The following MBNL2 variants were observed in gnomAD, a reference collection of about 807,000 sequenced individuals.
The protein encoded by MBNL2 is muscleblind-like protein 2.
A neutral mutation model predicts 41.9 loss-of-function variants in MBNL2; 17 were observed. The ratio of observed to expected loss-of-function variants is 0.41; its 90% confidence interval spans 0.28 to 0.61. MBNL2 has a LOEUF of 0.61. MBNL2 is among the 20% of genes least tolerant of loss of function. MBNL2 has a pLI of 0.35. For synonymous variants in MBNL2, 195 were observed against 182.9 expected, an observed-to-expected ratio of 1.07 and a Z score of -0.53; for missense variants, 336 against 505.6, an observed-to-expected ratio of 0.66 and a Z score of 3.22.
the MBNL2 span, among the ~76,000 whole-genome samples, chr13:97,165,518 T>C: frequency 1.3e-5 from 2 of 152,176 alleles, no homozygotes; most frequent in African/African-American, 4.8e-5. Flanking sequence ...TGAATCAAAA[T>C]TTCAGTTGGG....
At chr13:97,209,782 T>C in the MBNL2 span, among the ~76,000 whole-genome samples, 2 of 152,212 alleles carry the variant, frequency 1.3e-5, no homozygotes, top group Non-Finnish European at 2.9e-5. Context: ...AAAAAGACAC[T>C]GACTTCTTTT....
the MBNL2 span, among the ~76,000 whole-genome samples, chr13:97,193,190 G>A: frequency 1.3e-5 from 2 of 152,246 alleles, no homozygotes; most frequent in African/African-American, 2.4e-5. Context: ...CCCAGCAGGT[G>A]AGAAAGGAAC....
the MBNL2 span, among the ~76,000 whole-genome samples, chr13:97,194,215 T>C: frequency 6.6e-6 from 1 of 152,224 alleles, no homozygotes; most frequent in East Asian, 1.9e-4. Context: ...TGTTTTACTT[T>C]CAGTGTCTGC....
chr13:97,209,580 C>T, the MBNL2 span, among the ~76,000 whole-genome samples: 15 of 152,112 alleles, frequency 9.9e-5, no homozygotes, highest in African/African-American at 3.6e-4. Context: ...TTAGTTAGCC[C>T]CTTTGTCTTC....
chr13:97,353,620 G>A (rs976242378), intron 5 of MBNL2, among the ~76,000 whole-genome samples: 1 of 152,128 alleles, frequency 6.6e-6, no homozygotes, highest in African/African-American at 2.4e-5. Flanking sequence ...TTCCTTTGGA[G>A]TCTTATTCTT....
chr13:97,313,647 T>C (rs1367725699), intron 2 of MBNL2, among the ~76,000 whole-genome samples: 1 of 152,210 alleles, frequency 6.6e-6, no homozygotes, highest in East Asian at 1.9e-4. Flanking sequence ...GCTTTCTCCC[T>C]GCAGCACTGC....
the MBNL2 span, among the ~76,000 whole-genome samples, chr13:97,169,814 T>A: frequency 6.6e-6 from 1 of 152,154 alleles, no homozygotes; most frequent in Non-Finnish European, 1.5e-5. Flanking sequence ...GATGATGAGG[T>A]GGTTTCCTGG....
chr13:97,218,430 C>CAAAAAAA (rs746110575), upstream of MBNL2, among the ~76,000 whole-genome samples: 5 of 69,034 alleles, frequency 7.2e-5, no homozygotes, highest in Non-Finnish European at 1.1e-4. Context: ...AAAAACAAAA[C>CAAAAAAA]AAAACAAAAC....
In MBNL2 at chr13:97,281,018, C is replaced by T. The variant is rs533896445; in HGVS notation, c.174+4609C>T. Among the ~76,000 whole-genome samples the T allele has an allele frequency of 4.6e-5, 7 of 152,314 alleles. No individual in the cohort carries two copies. In the South Asian group the frequency reaches 1.0e-3, roughly 23 times the overall value. ...TTATTGGTTGATTATCTGTCTCCCT[C>T]CTCCACTCTGCTAGAACATAAGCTC... On this transcript the variant is annotated intron_variant, in intron 2 of 8. Coordinates refer to ENST00000679496, the MANE Select transcript of MBNL2 (RefSeq NM_001382683.1).
At chr13:97,209,112 G>A in the MBNL2 span, among the ~76,000 whole-genome samples, 4 of 151,978 alleles carry the variant, frequency 2.6e-5, no homozygotes, top group Admixed American at 6.6e-5. Context: ...ACATGATTTG[G>A]GTAATTATAT....
At chr13:97,215,144 A>C in the MBNL2 span, among the ~76,000 whole-genome samples, 1 of 152,164 alleles carries the variant, frequency 6.6e-6, no homozygotes, top group Non-Finnish European at 1.5e-5. Context: ...GTAACCTTTG[A>C]CCTGACCTCC....
chr13:97,217,767 A>T (rs931397613), upstream of MBNL2, among the ~76,000 whole-genome samples: 3 of 152,178 alleles, frequency 2.0e-5, no homozygotes, highest in African/African-American at 7.2e-5. Flanking sequence ...AAACATTTTT[A>T]AAAAGATGAT....
At chr13:97,242,772 T>C (rs2044562697) in intron 1 of MBNL2, among the ~76,000 whole-genome samples, 1 of 151,968 alleles carries the variant, frequency 6.6e-6, no homozygotes, top group Non-Finnish European at 1.5e-5. Context: ...GTTCCTTTTT[T>C]TTTTTTTCCC....
chr13:97,209,383 G>A, the MBNL2 span, among the ~76,000 whole-genome samples: 1 of 152,180 alleles, frequency 6.6e-6, no homozygotes, highest in South Asian at 2.1e-4. Flanking sequence ...AGGTTCTTTA[G>A]AGACCCAGGA....
chr13:97,311,436 C>T (rs1252957110), intron 2 of MBNL2, among the ~76,000 whole-genome samples: 2 of 152,188 alleles, frequency 1.3e-5, no homozygotes, highest in Non-Finnish European at 2.9e-5. Flanking sequence ...TGAATCCCCT[C>T]TCACCATGTT....
the MBNL2 span, among the ~76,000 whole-genome samples, chr13:97,169,747 T>C: frequency 2.6e-5 from 4 of 152,224 alleles, no homozygotes; most frequent in Non-Finnish European, 5.9e-5. Flanking sequence ...TGTGCCAATC[T>C]TTCCAAACCT....
At chr13:97,335,509 T>C (rs557488962) in intron 3 of MBNL2, among the ~76,000 whole-genome samples, 12 of 152,212 alleles carry the variant, frequency 7.9e-5, no homozygotes, top group African/African-American at 2.9e-4. Context: ...GAGTAGAGAA[T>C]TCCGGCAGGT....
At chr13:97,218,528 T>C (rs1015550749), upstream of MBNL2, among the ~76,000 whole-genome samples, 3 of 151,232 alleles carry the variant, frequency 2.0e-5, no homozygotes, top group African/African-American at 7.3e-5. Context: ...CAACTGACAA[T>C]TTCTATTGGG....
intron 2 of MBNL2, among the ~76,000 whole-genome samples, chr13:97,330,476 C>G (rs2060339654): frequency 6.6e-6 from 1 of 152,160 alleles, no homozygotes; most frequent in Non-Finnish European, 1.5e-5. Context: ...TTACCAAGAA[C>G]TAAAAGGGAG....
Sources: allele counts gnomAD v4.1 joint callset (sites outside exome capture counted in the v4.1 genomes callset), GRCh38; gene constraint gnomAD v4.1.1; transcripts MANE v1.5; gene names NCBI Gene and HGNC (gene_info 2026-07-23, HGNC 2026-07-21).